Variants in CDH12 observed in about 807,000 individuals in gnomAD.
The protein encoded by CDH12 is cadherin 12.
In CDH12, 41 loss-of-function variants were observed where a neutral mutation model predicts 74.1. That is an observed-to-expected ratio of 0.55 (90% confidence interval 0.43 to 0.72). The LOEUF (loss-of-function observed/expected upper bound fraction) is 0.72. Among genes scored for constraint, CDH12 ranks in the 30% least tolerant of loss-of-function variants. CDH12 has a pLI of 0.00. For synonymous variants in CDH12, 399 were observed against 355.0 expected (o/e 1.12, Z -1.39); for missense variants, 945 against 977.2 (o/e 0.97, Z 0.44).
At chr5:22,690,193 T>C (rs1742008747) in intron 1 of CDH12, among the ~76,000 whole-genome samples, 2 of 152,170 alleles carry the variant, frequency 1.3e-5, no homozygotes. Flanking sequence ...AACTGTGTTG[T>C]ATACCATGAA....
intron 8 of CDH12, among the ~76,000 whole-genome samples, chr5:21,829,279 T>TGA (rs142597192): frequency 6.6e-6 from 1 of 151,980 alleles, no homozygotes; most frequent in Non-Finnish European, 1.5e-5. Flanking sequence ...CTAGCCTGGG[T>TGA]GAGAGAGAGA....
intron 4 of CDH12, among the ~76,000 whole-genome samples, chr5:22,209,780 A>C (rs11951226): frequency 0.88 from 133,665 of 151,986 alleles, 58,881 homozygotes; most frequent in East Asian, 0.97. Flanking sequence ...TTCTGAAGGT[A>C]ATATGATTAC....
chr5:22,671,664 A>AT, intron 1 of CDH12, among the ~76,000 whole-genome samples: 1 of 152,160 alleles, frequency 6.6e-6, no homozygotes, highest in African/African-American at 2.4e-5. Flanking sequence ...ATAGGCCAAG[A>AT]TTGGAAACAG....
At chr5:21,880,136 C>G (rs1407492274) in intron 6 of CDH12, among the ~76,000 whole-genome samples, 1 of 152,168 alleles carries the variant, frequency 6.6e-6, no homozygotes, top group Non-Finnish European at 1.5e-5. Context: ...AGTACTGAAC[C>G]TGGGGCCACA....
intron 1 of CDH12, among the ~76,000 whole-genome samples, chr5:22,584,665 G>C (rs1740287666): frequency 6.6e-6 from 1 of 151,970 alleles, no homozygotes; most frequent in Non-Finnish European, 1.5e-5. Context: ...GTTTTCTGCT[G>C]GCTGTGATAT....
intron 4 of CDH12, among the ~76,000 whole-genome samples, chr5:22,132,288 T>C (rs530615185): frequency 9.9e-5 from 15 of 151,674 alleles, no homozygotes; most frequent in Admixed American, 6.6e-4. Context: ...AAAAATAAAA[T>C]GTTCTGAAGT....
chr5:22,636,278 T>G (rs1561543072), intron 1 of CDH12, among the ~76,000 whole-genome samples: 1 of 152,106 alleles, frequency 6.6e-6, no homozygotes, highest in East Asian at 1.9e-4. Flanking sequence ...TTCTTAAACA[T>G]AGTTGCCTAT....
chr5:22,324,306 C>T (rs1242431089), intron 3 of CDH12, among the ~76,000 whole-genome samples: 2 of 152,120 alleles, frequency 1.3e-5, no homozygotes, highest in Middle Eastern at 3.4e-3. Flanking sequence ...TAAATCAGCA[C>T]ATATATTTAT....
At chr5:22,418,454 T>C (rs1287659405) in intron 2 of CDH12, among the ~76,000 whole-genome samples, 2 of 152,192 alleles carry the variant, frequency 1.3e-5, no homozygotes, top group Non-Finnish European at 2.9e-5. Flanking sequence ...TCTTGCCTGA[T>C]TGCCCTGGCC....
chr5:21,882,993 G>C, intron 6 of CDH12: 7 of 1,601,018 alleles, frequency 4.4e-6, no homozygotes, highest in Non-Finnish European at 6.0e-6. Context: ...TAGCAAAGGT[G>C]CTAATCCAGT....
intron 10 of CDH12, among the ~76,000 whole-genome samples, chr5:21,784,884 G>C (rs1411328138): frequency 6.6e-6 from 1 of 152,118 alleles, no homozygotes; most frequent in African/African-American, 2.4e-5. Flanking sequence ...TTCCACACTA[G>C]TCTGTATCTG....
chr5:22,832,103 A>T (rs1736642392), intron 1 of CDH12, among the ~76,000 whole-genome samples: 2 of 152,158 alleles, frequency 1.3e-5, no homozygotes, highest in South Asian at 4.1e-4. Context: ...TATAAATCAT[A>T]TCTAAAAGGA....
intron 5 of CDH12, among the ~76,000 whole-genome samples, chr5:22,029,049 A>G (rs1005109641): frequency 1.6e-4 from 25 of 152,146 alleles, no homozygotes; most frequent in African/African-American, 3.6e-4. Flanking sequence ...TGGGAAAACC[A>G]GCTAGCCATA....
At chr5:22,370,990 T>C (rs564197445) in intron 3 of CDH12, among the ~76,000 whole-genome samples, 40 of 152,224 alleles carry the variant, frequency 2.6e-4, no homozygotes, top group African/African-American at 9.4e-4. Context: ...GTTTGGAAGC[T>C]ATAGTAAAGG....
At chr5:22,228,969 T>C (rs1450795859) in intron 3 of CDH12, among the ~76,000 whole-genome samples, 1 of 152,066 alleles carries the variant, frequency 6.6e-6, no homozygotes, top group Non-Finnish European at 1.5e-5. Context: ...CGGAAGGTGT[T>C]GTTAATAATT....
chr5:21,804,651 C>A (rs1400707411), intron 9 of CDH12, among the ~76,000 whole-genome samples: 5,173 of 98,334 alleles, frequency 0.053, 204 homozygotes, highest in Non-Finnish European at 0.074. Context: ...AAAACACACA[C>A]ACACACACAC....
chr5:22,065,251 T>C (rs1561073772), intron 5 of CDH12, among the ~76,000 whole-genome samples: 2 of 152,234 alleles, frequency 1.3e-5, no homozygotes, highest in South Asian at 4.1e-4. Context: ...AGGTGATGCA[T>C]TAAATACCAA....
At chr5:22,750,734 G>A (rs16898949) in intron 1 of CDH12, among the ~76,000 whole-genome samples, 3,122 of 152,156 alleles carry the variant, frequency 0.021, 116 homozygotes, top group African/African-American at 0.072. Flanking sequence ...CATTGAGGAA[G>A]TAAAGTGAAG....
At chr5:21,789,045 T>C (rs947922753) in intron 10 of CDH12, among the ~76,000 whole-genome samples, 8 of 152,042 alleles carry the variant, frequency 5.3e-5, no homozygotes, top group Non-Finnish European at 8.8e-5. Flanking sequence ...ATAATTTATT[T>C]TCTTAATATC....
Sources: allele counts gnomAD v4.1 joint callset (sites outside exome capture counted in the v4.1 genomes callset), GRCh38; gene constraint gnomAD v4.1.1; transcripts MANE v1.5; gene names NCBI Gene and HGNC (gene_info 2026-07-23, HGNC 2026-07-21).